CAPN2: variants seen among roughly 807,000 people sequenced by gnomAD.
CAPN2 encodes calpain 2, also known as calpain-2 catalytic subunit.
CAPN2 carries 92 observed loss-of-function variants against 102.3 expected under a neutral mutation model. The observed-to-expected ratio is 0.90, with a 90% CI of 0.76 to 1.07. The LOEUF (loss-of-function observed/expected upper bound fraction) is 1.07, where lower values mean the gene tolerates loss of function less well. Among genes scored for constraint, CAPN2 ranks in the 50% least tolerant of loss-of-function variants. CAPN2 has a pLI of 0.00. For missense variants in CAPN2, 800 were observed against 909.4 expected (o/e 0.88, Z 1.55); for synonymous variants, 340 against 355.4 (o/e 0.96, Z 0.49).
rs749714173 is a variant in CAPN2 at position 223,752,079 on chromosome 1, T to G, written c.974+8T>G. The G allele has an allele frequency of 5.7e-6, 9 of 1,592,138 alleles. No homozygotes were observed. The highest frequency in any genetic ancestry group is 7.8e-6 in the Non-Finnish European group (9 of 1,160,748). On this transcript the variant is annotated splice_region_variant and intron_variant, in intron 8 of 20. Coordinates refer to ENST00000295006, the MANE Select transcript of CAPN2 (RefSeq NM_001748.5). ...TGAAGATGGAGAATTCTGGTAAGAT[T>G]AGTGGAGGCTTCAGGGAAAGCTCTG...
At chr1:223,709,608 C>T (rs1022720373), upstream of CAPN2, among the ~76,000 whole-genome samples, 1 of 150,252 alleles carries the variant, frequency 6.7e-6, no homozygotes, top group Admixed American at 6.6e-5. Flanking sequence ...TGTGGTGAGC[C>T]GAAATTGTGC....
intron 2 of CAPN2, among the ~76,000 whole-genome samples, chr1:223,719,303 G>A (rs1054829753): frequency 7.9e-5 from 12 of 152,224 alleles, no homozygotes; most frequent in Admixed American, 2.6e-4. Context: ...TTGGGAGGCC[G>A]AGGCAGGCAG....
intron 2 of CAPN2, among the ~76,000 whole-genome samples, chr1:223,734,674 G>C (rs759288037): frequency 2.0e-5 from 3 of 152,064 alleles, no homozygotes; most frequent in Non-Finnish European, 4.4e-5. Flanking sequence ...GGACAAGACT[G>C]CCAAATGTGG....
chr1:223,718,583 A>G (rs1033552494), intron 2 of CAPN2, among the ~76,000 whole-genome samples: 4 of 152,138 alleles, frequency 2.6e-5, no homozygotes, highest in African/African-American at 7.2e-5. Flanking sequence ...TCTGCCCTCA[A>G]TGTTCTTTTA....
At chr1:223,743,488 A>G (rs556511569) in intron 2 of CAPN2, among the ~76,000 whole-genome samples, 18 of 151,622 alleles carry the variant, frequency 1.2e-4, no homozygotes, top group Non-Finnish European at 2.1e-4. Context: ...CCCTTTATAT[A>G]TTTGTTTGTT....
chr1:223,752,935 G>T lies in CAPN2; in HGVS notation c.1114G>T (p.Gly372Ter), dbSNP rs199728877. 1 of 1,614,108 alleles carries T rather than the reference G, an allele frequency of 6.2e-7. No homozygotes were observed. The highest frequency in any genetic ancestry group is 1.1e-5 in the South Asian group (1 of 91,080). ...GAACTGGAGGCGGGGCTCCACCGCG[G>T]GAGGTTGCAGGAACTACCCGAGTAA... ...DGNWRRGSTA[G>*]GCRNYPNTFW... Residue 372 changes from glycine to a stop codon, truncating the protein, a stop_gained, in exon 9 of 21, where the codon GGA (glycine) becomes TGA (stop). Transcript: ENST00000295006. LOFTEE classifies it high-confidence loss of function.
chr1:223,712,868 G>A lies in CAPN2; in HGVS notation c.228G>A (p.Lys76=), dbSNP rs1659773506. 6.5e-7 allele frequency: 1 copy of A among 1,539,912 alleles called. No homozygotes were observed. The highest frequency in any genetic ancestry group is 1.2e-5 in the South Asian group (1 of 82,098). The change falls in exon 1 of 21, where the codon AAG becomes AAA. Residue 76 remains lysine (K), a synonymous_variant. Transcript: ENST00000295006. ...GCAAAACCCGGGGCATCGAGTGGAA[G>A]CGCCCCACGGTAGGAAGCGCGCGGC... ...YSSKTRGIEW[K]RPTEICADPQ... is the part of the protein sequence containing the mutation.
At position 223,727,159 on chromosome 1, in the gene CAPN2, T is replaced by C. The variant is rs1660214714; in HGVS notation, c.307+9328T>C. Among the ~76,000 whole-genome samples, 1 of 152,206 alleles carries C rather than the reference T, an allele frequency of 6.6e-6. No homozygotes were observed. The highest frequency in any genetic ancestry group is 2.4e-5 in the African/African-American group (1 of 41,460). The stretch of plus-strand genomic sequence containing the variant: ...GCTGTTGTCTCAGGAAGGGTGAAAT[T>C]TAGCCAGGAGCAGTCTTCAGTAGCT... On this transcript the variant is annotated intron_variant, in intron 2 of 20. Transcript: ENST00000295006. This position sits in a 1 kb window ranked among gnomAD's most constrained non-coding sequence, Gnocchi z 4.1.
At chr1:223,741,704 C>T (rs1369582178) in intron 2 of CAPN2, among the ~76,000 whole-genome samples, 2 of 152,084 alleles carry the variant, frequency 1.3e-5, no homozygotes, top group African/African-American at 4.8e-5. Context: ...ATCTGCCCGC[C>T]TTGGCCTCCC....
chr1:223,761,433 G>A lies in CAPN2; in HGVS notation c.1530-148G>A, dbSNP rs1571815231. 9.4e-6 allele frequency: 5 copies of A among 529,362 alleles called. No homozygotes were observed. In the East Asian group the frequency reaches 1.5e-4, roughly 16 times the overall value. The allele number at this position is 529,362 out of a possible 1,614,324, so 32.8% of individuals were successfully genotyped here. Reference sequence around the variant, plus strand: ...GGGGAGGTGTTATCACAGAAACTTGGAATACAAAGACCTCCCCCCACCGCA... The same window carrying A: ...GGGGAGGTGTTATCACAGAAACTTGAAATACAAAGACCTCCCCCCACCGCA... On this transcript the variant is annotated intron_variant, in intron 12 of 20. Coordinates refer to ENST00000295006, the MANE Select transcript of CAPN2 (RefSeq NM_001748.5).
Position 223,704,416 on chromosome 1 carries a change from G to A in CAPN2, c.3+2585G>A, listed in dbSNP as rs1250908299. ...TAGGGCCTTATTCTACAGAAGGGAA[G>A]TCCAAAGGCTCATTTGAATTGCATT... On this transcript the variant is annotated intron_variant, in intron 1 of 20. Transcript: ENST00000433674. 2.0e-5 allele frequency among the ~76,000 whole-genome samples: 3 copies of A among 152,318 alleles called. No individual in the cohort carries two copies. In the East Asian group the frequency reaches 5.8e-4, roughly 29 times the overall value.
intron 16 of CAPN2, among the ~76,000 whole-genome samples, chr1:223,767,259 T>TAC (rs1411614597): frequency 3.3e-5 from 5 of 152,060 alleles, no homozygotes; most frequent in African/African-American, 1.2e-4. Context: ...TACATATGTA[T>TAC]ACATGTGCCA....
chr1:223,717,699 G>A (rs1247804555), intron 1 of CAPN2, 63 bp from the exon 2 acceptor site: 31 of 1,310,836 alleles, frequency 2.4e-5, no homozygotes, highest in Non-Finnish European at 3.2e-5. Context: ...GAGAATGGAG[G>A]CATCCTAGCT....
chr1:223,733,996 G>A (rs559821332), intron 2 of CAPN2, among the ~76,000 whole-genome samples: 25 of 144,884 alleles, frequency 1.7e-4, no homozygotes, highest in African/African-American at 6.4e-4. Flanking sequence ...CTGCAGACTC[G>A]GTCCCAACTG....
At chr1:223,761,228 A>G (rs548112263) in intron 12 of CAPN2, among the ~76,000 whole-genome samples, 1 of 152,396 alleles carries the variant, frequency 6.6e-6, no homozygotes, top group East Asian at 1.9e-4. Flanking sequence ...CCTATTTGAT[A>G]AAGATCAAAA....
At position 223,756,555 on chromosome 1, in the gene CAPN2, C is replaced by T. The variant is rs1016728721; in HGVS notation, c.1306-814C>T. Among the ~76,000 whole-genome samples the T allele has an allele frequency of 2.0e-5, 3 of 152,184 alleles. No individual in the cohort carries two copies. Among genetic ancestry groups the T allele is most frequent in the African/African-American group, 7.2e-5 (3 of 41,436 alleles). On this transcript the variant is annotated intron_variant, in intron 10 of 20. Coordinates refer to ENST00000295006, the MANE Select transcript of CAPN2 (RefSeq NM_001748.5). The surrounding 1 kb of genome is among the most constrained non-coding windows in gnomAD (Gnocchi z 4.1). ...TAGTACAAATCAGAGCTTCCACCCTCTCCCAAGAGCCAGTTTCCCAGCACA... is the reference window on the plus strand; with the variant it reads ...TAGTACAAATCAGAGCTTCCACCCTTTCCCAAGAGCCAGTTTCCCAGCACA...
intron 16 of CAPN2, among the ~76,000 whole-genome samples, chr1:223,766,959 CAA>C (rs763808349): frequency 1.2e-4 from 15 of 127,618 alleles, no homozygotes; most frequent in Non-Finnish European, 1.2e-4. Context: ...GACTCATCGC[CAA>C]AAAAAAAAAA....
Position 223,759,333 on chromosome 1 carries a change from C to G in CAPN2, c.1381C>G (p.Arg461Gly), listed in dbSNP as rs569136678. 5.6e-6 allele frequency: 9 copies of G among 1,614,212 alleles called. No individual in the cohort carries two copies. Among genetic ancestry groups the G allele is most frequent in the Non-Finnish European group, 7.6e-6 (9 of 1,180,038 alleles). The change falls in exon 12 of 21, where the codon CGC (arginine) becomes GGC (glycine). Residue 461 changes from arginine to glycine, a missense_variant. Arg to Gly is a moderately radical substitution (Grantham distance 125). Coordinates refer to ENST00000295006, the MANE Select transcript of CAPN2 (RefSeq NM_001748.5). This position sits in a 1 kb window ranked among gnomAD's most constrained non-coding sequence, Gnocchi z 4.6. ...CTTCCTGACGAATCGCGCCAGGGAG[C>G]GCTCAGACACCTTCATCAACCTCCG... ...NFFLTNRARE[R>G]SDTFINLREV...
Position 223,727,262 on chromosome 1 carries a change from A to G in CAPN2, c.307+9431A>G, listed in dbSNP as rs1571788423. ...GGTCTAAAGAAATATAACGCAAAAC[A>G]GGTACGATTTGAGATCCATCAGGGT... On this transcript the variant is annotated intron_variant, in intron 2 of 20. Transcript: ENST00000295006. This position sits in a 1 kb window ranked among gnomAD's most constrained non-coding sequence, Gnocchi z 4.1. Among the ~76,000 whole-genome samples, 2 of 152,242 alleles carry G rather than the reference A, an allele frequency of 1.3e-5. No individual in the cohort carries two copies. The highest frequency in any genetic ancestry group is 4.8e-5 in the African/African-American group (2 of 41,466).
Sources: allele counts gnomAD v4.1 joint callset (sites outside exome capture counted in the v4.1 genomes callset), GRCh38; gene constraint gnomAD v4.1.1; non-coding constraint Gnocchi (gnomAD v3.1); transcripts MANE v1.5; gene names NCBI Gene and HGNC (gene_info 2026-07-23, HGNC 2026-07-21).